The following NT5DC1 variants were observed in gnomAD, a reference collection of about 807,000 sequenced individuals.
The protein encoded by NT5DC1 is 5'-nucleotidase domain-containing protein 1.
In NT5DC1, 42 loss-of-function variants were observed where a neutral mutation model predicts 59.4. That is an observed-to-expected ratio of 0.71 (90% CI 0.55 to 0.92). The LOEUF (loss-of-function observed/expected upper bound fraction) is 0.92, where lower values mean the gene tolerates loss of function less well. Among genes scored for constraint, NT5DC1 ranks in the 40% least tolerant of loss-of-function variants. The pLI, the probability that NT5DC1 is intolerant of heterozygous loss-of-function variation, is 0.00. For synonymous variants in NT5DC1, 172 were observed against 188.1 expected (o/e 0.91, Z 0.70); for missense variants, 501 against 537.1 (o/e 0.93, Z 0.66).
chr6:116,182,664 G>A (rs941304139), intron 6 of NT5DC1, among the ~76,000 whole-genome samples: 4 of 151,822 alleles, frequency 2.6e-5, no homozygotes, highest in African/African-American at 9.7e-5. Context: ...TTACATGTTT[G>A]TTGTCCATTT....
Position 116,239,053 on chromosome 6 carries a change from T to A in NT5DC1, c.1182T>A (p.Val394=). Residue 394 remains valine (V), a synonymous_variant, in exon 11 of 12, where the codon GTT becomes GTA. Transcript: ENST00000319550. ...LGLENTEDSL[V]YTWSCKRIST... ...TGGAAAATACAGAAGACTCCTTGGT[T>A]TATACATGGTCTTGTAAGAGAATCA... The A allele has an allele frequency of 6.2e-7, 1 of 1,611,402 alleles. No individual in the cohort carries two copies.
intron 6 of NT5DC1, among the ~76,000 whole-genome samples, chr6:116,188,408 C>T (rs1411634777): frequency 6.6e-6 from 1 of 151,996 alleles, no homozygotes; most frequent in Non-Finnish European, 1.5e-5. Flanking sequence ...CCAAATATCC[C>T]TCAATAGTGC....
Position 116,248,618 on chromosome 6 carries a change from A to AAGGAAAGTGTTGTGTG in NT5DC1, c.*4599_*4614dup, listed in dbSNP as rs1771890036. 6.6e-6 allele frequency: 1 copy of AAGGAAAGTGTTGTGTG among 152,092 alleles called. No homozygotes were observed. Among genetic ancestry groups the AAGGAAAGTGTTGTGTG allele is most frequent in the Admixed American group, 6.5e-5 (1 of 15,270 alleles). The allele number at this position is 152,092 out of a possible 1,614,324, so 9.4% of individuals were successfully genotyped here. A position where few individuals can be genotyped will look rare whatever the true frequency, so the allele number is the denominator to read the frequency against. ...ACTGAATGCCCAGAAATGGAAGCGC[A>AAGGAAAGTGTTGTGTG]AGGAAAGTGTTGTGTGAGGACCAGG... On this transcript the variant is annotated 3_prime_UTR_variant, in exon 12 of 12. Coordinates refer to ENST00000319550, the MANE Select transcript of NT5DC1 (RefSeq NM_152729.3).
At chr6:116,129,757 G>A (rs1779417306) in intron 6 of NT5DC1, among the ~76,000 whole-genome samples, 2 of 152,122 alleles carry the variant, frequency 1.3e-5, no homozygotes, top group Admixed American at 1.3e-4. Flanking sequence ...TAGGTGTCTT[G>A]TGTCACTTTT....
chr6:116,180,030 T>C (rs1780840036), intron 6 of NT5DC1, among the ~76,000 whole-genome samples: 1 of 152,136 alleles, frequency 6.6e-6, no homozygotes, highest in African/African-American at 2.4e-5. Context: ...TTGTTTTTTA[T>C]TGCAAAATAC....
Position 116,239,128 on chromosome 6 carries a change from G to A in NT5DC1, c.1252+5G>A. The A allele has an allele frequency of 6.2e-7, 1 of 1,600,068 alleles. No homozygotes were observed. The highest frequency in any genetic ancestry group is 8.5e-7 in the Non-Finnish European group (1 of 1,169,862). On this transcript the variant is annotated splice_donor_5th_base_variant and intron_variant, in intron 11 of 11. Transcript: ENST00000319550. The stretch of plus-strand genomic sequence containing the variant: ...CAAGTATTGAAGCAATCGCAGGTAA[G>A]GGGGAAAATACCTATAAAGCTTCAC...
chr6:116,243,214 T>C (rs1222381595), intron 11 of NT5DC1, among the ~76,000 whole-genome samples: 1 of 152,212 alleles, frequency 6.6e-6, no homozygotes, highest in African/African-American at 2.4e-5. Flanking sequence ...AGATTATTCT[T>C]AGTAACCCTC....
At chr6:116,139,543 C>A (rs1004253299) in intron 6 of NT5DC1, among the ~76,000 whole-genome samples, 2 of 152,020 alleles carry the variant, frequency 1.3e-5, no homozygotes, top group African/African-American at 4.8e-5. Context: ...ATGCATTTTA[C>A]TTGCAGTGTT....
At chr6:116,178,387 C>G (rs1335414910) in intron 6 of NT5DC1, among the ~76,000 whole-genome samples, 1 of 152,106 alleles carries the variant, frequency 6.6e-6, no homozygotes, top group South Asian at 2.1e-4. Flanking sequence ...TTTCTTGATT[C>G]ATAAAGGCGA....
intron 6 of NT5DC1, among the ~76,000 whole-genome samples, chr6:116,173,399 C>T (rs533046792): frequency 1.3e-5 from 2 of 152,178 alleles, no homozygotes; most frequent in Admixed American, 6.5e-5. Flanking sequence ...AAAACACTGA[C>T]GGTTCCTTCC....
intron 6 of NT5DC1, among the ~76,000 whole-genome samples, chr6:116,193,735 GTT>G (rs1437814569): frequency 2.0e-5 from 3 of 148,220 alleles, no homozygotes; most frequent in South Asian, 2.1e-4. Flanking sequence ...TTTCATCTTT[GTT>G]GTTGGACTTA....
intron 6 of NT5DC1, among the ~76,000 whole-genome samples, chr6:116,144,191 A>G (rs1779835479): frequency 6.6e-6 from 1 of 152,138 alleles, no homozygotes; most frequent in African/African-American, 2.4e-5. Flanking sequence ...AAACAAACAT[A>G]TTCTTCTTAC....
At chr6:116,241,695 G>A (rs923831917) in intron 11 of NT5DC1, among the ~76,000 whole-genome samples, 5 of 152,050 alleles carry the variant, frequency 3.3e-5, no homozygotes, top group Non-Finnish European at 2.9e-5. Flanking sequence ...AGGCCGAGGC[G>A]GGAGGATCAC....
intron 9 of NT5DC1, chr6:116,237,565 T>C (rs1255951712): frequency 6.6e-6 from 3 of 455,670 alleles, no homozygotes; most frequent in East Asian, 6.9e-5. Context: ...TGAGGGTTAA[T>C]GGATGGAGCA....
In NT5DC1 at chr6:116,151,558, A is replaced by G. The variant is rs543003970; in HGVS notation, c.529+33613A>G. Among the ~76,000 whole-genome samples the G allele has an allele frequency of 2.0e-5, 3 of 152,346 alleles. No individual in the cohort carries two copies. The East Asian group carries it at 5.8e-4, about 29-fold the overall frequency. Reference sequence around the variant, plus strand: ...AATATAAGACTATTAAGTAATGTATATATGTGGCCTGTTGGTATGCTTTTA... The same window carrying G: ...AATATAAGACTATTAAGTAATGTATGTATGTGGCCTGTTGGTATGCTTTTA... On this transcript the variant is annotated intron_variant, in intron 6 of 11. Coordinates refer to ENST00000319550, the MANE Select transcript of NT5DC1 (RefSeq NM_152729.3).
chr6:116,212,145 T>G (rs1238958285), intron 6 of NT5DC1, among the ~76,000 whole-genome samples: 1 of 152,146 alleles, frequency 6.6e-6, no homozygotes, highest in African/African-American at 2.4e-5. Flanking sequence ...TTAATAACTC[T>G]GTCAAAACAA....
intron 3 of NT5DC1, among the ~76,000 whole-genome samples, chr6:116,110,383 C>T (rs915463481): frequency 7.9e-5 from 12 of 152,178 alleles, no homozygotes; most frequent in African/African-American, 2.9e-4. Context: ...CACAGTCCTG[C>T]GTGCTCACAA....
At chr6:116,190,246 A>G (rs1366996539) in intron 6 of NT5DC1, among the ~76,000 whole-genome samples, 2 of 152,018 alleles carry the variant, frequency 1.3e-5, no homozygotes, top group African/African-American at 2.4e-5. Flanking sequence ...CCAAAACAGT[A>G]TTTTTTAAAT....
intron 6 of NT5DC1, among the ~76,000 whole-genome samples, chr6:116,177,330 A>G (rs1242295948): frequency 6.6e-6 from 1 of 152,144 alleles, no homozygotes; most frequent in Non-Finnish European, 1.5e-5. Context: ...TAAAGAAAAA[A>G]CTTGATAGAA....
Sources: gnomAD v4.1 joint callset for allele counts (sites outside exome capture counted in the v4.1 genomes callset) on GRCh38, gnomAD v4.1.1 for gene constraint, MANE v1.5 for transcripts, NCBI Gene and HGNC (gene_info 2026-07-23, HGNC 2026-07-21) for gene names.